STARD13: variants seen among roughly 807,000 people sequenced by gnomAD.
The protein encoded by STARD13 is StAR related lipid transfer domain containing 13.
In STARD13, 62 loss-of-function variants were observed where a neutral mutation model predicts 106.4. That is an observed-to-expected ratio of 0.58 (90% CI 0.48 to 0.72). The LOEUF is 0.72. Among genes scored for constraint, STARD13 ranks in the 30% least tolerant of loss-of-function variants. The pLI, the probability that STARD13 is intolerant of heterozygous loss-of-function variation, is 0.00. For missense variants in STARD13, 1,387 were observed against 1,424.0 expected, an observed-to-expected ratio of 0.97 and a Z score of 0.42; for synonymous variants, 565 against 553.0, an observed-to-expected ratio of 1.02 and a Z score of -0.31.
chr13:33,636,601 G>T, the STARD13 span, among the ~76,000 whole-genome samples: 1 of 152,258 alleles, frequency 6.6e-6, no homozygotes, highest in East Asian at 1.9e-4. Flanking sequence ...TCAACTGGAG[G>T]CTAAGGTGAT....
chr13:33,328,898 A>G (rs148564065), intron 1 of STARD13, among the ~76,000 whole-genome samples: 151 of 152,318 alleles, frequency 9.9e-4, no homozygotes, highest in African/African-American at 3.5e-3. Flanking sequence ...GGCCTGCTTC[A>G]TGTGTGTTAC....
At chr13:33,301,629 G>A (rs1196132381) in intron 1 of STARD13, among the ~76,000 whole-genome samples, 3 of 144,940 alleles carry the variant, frequency 2.1e-5, no homozygotes, top group South Asian at 2.2e-4. Flanking sequence ...GTACCGTGGC[G>A]TGATCTTGGC....
chr13:33,314,288 T>C (rs1369588374), intron 1 of STARD13, among the ~76,000 whole-genome samples: 2 of 152,058 alleles, frequency 1.3e-5, no homozygotes, highest in Non-Finnish European at 2.9e-5. Flanking sequence ...AGAAACTCCA[T>C]AGTGGGCAAA....
At chr13:33,195,879 A>C (rs1886579518) in intron 1 of STARD13, among the ~76,000 whole-genome samples, 1 of 152,116 alleles carries the variant, frequency 6.6e-6, no homozygotes, top group African/African-American at 2.4e-5. Flanking sequence ...TTCTCCCTCA[A>C]AGGGTGGTCG....
chr13:33,633,562 C>T, the STARD13 span, among the ~76,000 whole-genome samples: 3 of 152,196 alleles, frequency 2.0e-5, no homozygotes, highest in African/African-American at 7.2e-5. Context: ...TTTAGCTCTA[C>T]ATGAATGATT....
At chr13:33,331,276 G>C (rs1043314828) in intron 1 of STARD13, among the ~76,000 whole-genome samples, 8 of 152,030 alleles carry the variant, frequency 5.3e-5, no homozygotes, top group African/African-American at 1.9e-4. Flanking sequence ...TCTCCTTTAA[G>C]GCTCAACTCA....
chr13:33,563,821 C>A, the STARD13 span, among the ~76,000 whole-genome samples: 1 of 147,342 alleles, frequency 6.8e-6, no homozygotes, highest in Non-Finnish European at 1.5e-5. Flanking sequence ...TGTAAACTAT[C>A]CATCAACAAG....
At chr13:33,429,451 C>T in the STARD13 span, among the ~76,000 whole-genome samples, 1 of 151,736 alleles carries the variant, frequency 6.6e-6, no homozygotes, top group South Asian at 2.1e-4. Flanking sequence ...AAAAAATTAG[C>T]TGGGTGTGGC....
the STARD13 span, among the ~76,000 whole-genome samples, chr13:33,434,454 CCTTA>C: frequency 6.6e-6 from 1 of 151,586 alleles, no homozygotes; most frequent in South Asian, 2.1e-4. Flanking sequence ...CATTTTTGAC[CCTTA>C]CTGTTTTATA....
the STARD13 span, among the ~76,000 whole-genome samples, chr13:33,594,552 T>A: frequency 4.6e-5 from 7 of 152,250 alleles, no homozygotes; most frequent in Non-Finnish European, 1.0e-4. Context: ...GTAATGATTT[T>A]AAAGTGTGTA....
At chr13:33,248,606 T>C (rs996992114) in intron 1 of STARD13, among the ~76,000 whole-genome samples, 7 of 152,184 alleles carry the variant, frequency 4.6e-5, no homozygotes, top group African/African-American at 1.7e-4. Flanking sequence ...CATCCCTCTA[T>C]TCCTCTTCCC....
chr13:33,544,389 T>A, the STARD13 span, among the ~76,000 whole-genome samples: 1 of 152,240 alleles, frequency 6.6e-6, no homozygotes, highest in South Asian at 2.1e-4. Context: ...TGCCACTGCC[T>A]TTATTGACAC....
At chr13:33,349,975 G>A (rs1189507628) in intron 1 of STARD13, among the ~76,000 whole-genome samples, 1 of 152,204 alleles carries the variant, frequency 6.6e-6, no homozygotes, top group Non-Finnish European at 1.5e-5. Context: ...GCGGAGCAGG[G>A]GACAGCCTAG....
At chr13:33,232,186 G>A (rs1364414935) in intron 1 of STARD13, among the ~76,000 whole-genome samples, 1 of 152,122 alleles carries the variant, frequency 6.6e-6, no homozygotes, top group Non-Finnish European at 1.5e-5. Context: ...GGTGGTGTGT[G>A]CCTGTAATCC....
chr13:33,212,456 A>G (rs1887777936), intron 1 of STARD13, among the ~76,000 whole-genome samples: 1 of 152,160 alleles, frequency 6.6e-6, no homozygotes, highest in Non-Finnish European at 1.5e-5. Flanking sequence ...TCAACCTTTC[A>G]GATTTGGACA....
At chr13:33,337,480 A>G (rs529328890) in intron 1 of STARD13, among the ~76,000 whole-genome samples, 1 of 152,358 alleles carries the variant, frequency 6.6e-6, no homozygotes, top group African/African-American at 2.4e-5. Flanking sequence ...GCTTCAATAT[A>G]TGTCATAAGG....
At chr13:33,247,000 C>A (rs1889854028) in intron 1 of STARD13, among the ~76,000 whole-genome samples, 1 of 152,028 alleles carries the variant, frequency 6.6e-6, no homozygotes, top group Admixed American at 6.6e-5. Context: ...AGTTCGAGAC[C>A]AGCCTGGCCA....
intron 1 of STARD13, among the ~76,000 whole-genome samples, chr13:33,321,750 C>T (rs1893567998): frequency 6.6e-6 from 1 of 152,156 alleles, no homozygotes; most frequent in African/African-American, 2.4e-5. Flanking sequence ...TGCTGAACAT[C>T]AGTCCACATT....
chr13:33,186,725 G>T (rs1192367449), intron 1 of STARD13, among the ~76,000 whole-genome samples: 1 of 151,894 alleles, frequency 6.6e-6, no homozygotes, highest in African/African-American at 2.4e-5. Flanking sequence ...AATGAAATCA[G>T]CAAATTGAGA....
Sources: allele counts gnomAD v4.1 joint callset (sites outside exome capture counted in the v4.1 genomes callset), GRCh38; gene constraint gnomAD v4.1.1; transcripts MANE v1.5; gene names NCBI Gene and HGNC (gene_info 2026-07-23, HGNC 2026-07-21).